The following ZC3H7B variants were observed in gnomAD, a reference collection of about 807,000 sequenced individuals.
ZC3H7B encodes the protein zinc finger CCCH-type containing 7B.
ZC3H7B carries 35 observed loss-of-function variants against 116.0 expected under a neutral mutation model. The ratio of observed to expected loss-of-function variants is 0.30; its 90% CI spans 0.23 to 0.40. ZC3H7B has a LOEUF of 0.40. ZC3H7B is among the 10% of genes least tolerant of loss of function. ZC3H7B has a pLI of 1.00. For missense variants in ZC3H7B, 1,011 were observed against 1,321.5 expected (o/e 0.77, Z 3.64); for synonymous variants, 502 against 545.6 (o/e 0.92, Z 1.11).
rs749033531 is a variant in ZC3H7B at position 41,346,178 on chromosome 22, G to A, written c.1635G>A (p.Glu545=). ...GSLTIAKLLK[E]HQGIFTFLCE... The stretch of plus-strand genomic sequence containing the variant: ...TCACCATCGCCAAGCTCCTGAAGGA[G>A]CACCAGGGCATCTTCACCTTCCTCT... Residue 545 remains glutamate, a synonymous_variant, in exon 14 of 23, where the codon GAG becomes GAA. Coordinates refer to ENST00000352645, the MANE Select transcript of ZC3H7B (RefSeq NM_017590.6). This position sits in a 1 kb window ranked among gnomAD's most constrained non-coding sequence, Gnocchi z 5.3. 2.0e-5 allele frequency: 32 copies of A among 1,611,708 alleles called. No homozygotes were observed. In the South Asian group the frequency reaches 3.5e-4, roughly 18 times the overall value.
chr22:41,327,191 G>A lies in ZC3H7B; in HGVS notation c.286-15G>A, dbSNP rs1189799882. 1 of 1,613,156 alleles carries A rather than the reference G, an allele frequency of 6.2e-7. No homozygotes were observed. The highest frequency in any genetic ancestry group is 8.5e-7 in the Non-Finnish European group (1 of 1,179,710). ...AACAGGTGTTGACCAGTGACCACAT[G>A]CTCCTCTCTGGCAGGGCCTGTATGA... is the stretch of plus-strand genomic sequence containing the variant. On this transcript the variant is annotated splice_polypyrimidine_tract_variant and intron_variant, in intron 4 of 22. Coordinates refer to ENST00000352645, the MANE Select transcript of ZC3H7B (RefSeq NM_017590.6). This position sits in a 1 kb window ranked among gnomAD's most constrained non-coding sequence, Gnocchi z 4.5.
At chr22:41,322,362 AT>A (rs1444475661) in intron 2 of ZC3H7B, among the ~76,000 whole-genome samples, 1 of 150,018 alleles carries the variant, frequency 6.7e-6, no homozygotes, top group Non-Finnish European at 1.5e-5. Flanking sequence ...TAATTTTCGT[AT>A]TTTTAGTAGA....
rs948728315 is a variant in ZC3H7B, at chr22:41,349,918, C to T, written c.1948+617C>T. Among the ~76,000 whole-genome samples, 2 of 152,182 alleles carry T rather than the reference C, an allele frequency of 1.3e-5. No individual in the cohort carries two copies. The highest frequency in any genetic ancestry group is 4.1e-4 in the South Asian group (2 of 4,828). On this transcript the variant is annotated intron_variant, in intron 16 of 22. Coordinates refer to ENST00000352645, the MANE Select transcript of ZC3H7B (RefSeq NM_017590.6). The surrounding 1 kb of genome is among the most constrained non-coding windows in gnomAD (Gnocchi z 4.9). ...ATGCACATTTACCCCTACTGCCTGT[C>T]ATCATTTAATTAGCAGCATTTTGTG...
At chr22:41,315,840 C>CTA (rs896794950) in intron 1 of ZC3H7B, among the ~76,000 whole-genome samples, 6 of 152,112 alleles carry the variant, frequency 3.9e-5, no homozygotes, top group African/African-American at 1.4e-4. Context: ...TGTATAGGCC[C>CTA]TATCTTCAGA....
At chr22:41,310,191 C>T (rs1012197140) in intron 1 of ZC3H7B, among the ~76,000 whole-genome samples, 3 of 152,094 alleles carry the variant, frequency 2.0e-5, no homozygotes, top group Non-Finnish European at 4.4e-5. Flanking sequence ...GGCGACAGAG[C>T]GAGACTCCGT....
At chr22:41,308,194 A>G (rs1342879491) in intron 1 of ZC3H7B, among the ~76,000 whole-genome samples, 1 of 151,998 alleles carries the variant, frequency 6.6e-6, no homozygotes, top group Non-Finnish European at 1.5e-5. Context: ...TCAGCTGATG[A>G]TCATTCCTTG....
chr22:41,345,835 T>C (rs929667136), intron 13 of ZC3H7B, among the ~76,000 whole-genome samples, 168 bp from the exon 14 acceptor site: 3 of 152,058 alleles, frequency 2.0e-5, no homozygotes, highest in African/African-American at 4.8e-5. Flanking sequence ...CTCTGCCAAG[T>C]CCTGGCAGGG....
In ZC3H7B at chr22:41,355,304, T is replaced by C. The variant is rs368730692; in HGVS notation, c.2035-165T>C. Among the ~76,000 whole-genome samples the C allele has an allele frequency of 2.0e-3, 305 of 152,268 alleles. 1 individual carries two copies. The highest frequency in any genetic ancestry group is 7.0e-3 in the African/African-American group (289 of 41,558). On this transcript the variant is annotated intron_variant, in intron 17 of 22. Transcript: ENST00000352645. The stretch of plus-strand genomic sequence containing the variant: ...AGCCCCGTTCCAGGCCTGGCTCTCC[T>C]GGGAAGCCCTTGGGCCTGCAGTTGG...
At chr22:41,323,166 TC>T (rs539343420) in intron 2 of ZC3H7B, among the ~76,000 whole-genome samples, 2 of 152,322 alleles carry the variant, frequency 1.3e-5, no homozygotes, top group South Asian at 4.1e-4. Flanking sequence ...CAGCACCCCT[TC>T]CCTGGGCTGT....
Position 41,302,356 on chromosome 22 carries a change from G to A in ZC3H7B, c.-7+584G>A, listed in dbSNP as rs574749445. 1.3e-5 allele frequency among the ~76,000 whole-genome samples: 2 copies of A among 151,912 alleles called. No homozygotes were observed. The highest frequency in any genetic ancestry group is 1.5e-5 in the Non-Finnish European group (1 of 67,918). ...GCCCGGGGATCCGGGGCCTGCAGCC[G>A]GGCCCGCGGGAAGGGGGCGGCAGGA... On this transcript the variant is annotated intron_variant, in intron 1 of 22. Coordinates refer to ENST00000352645, the MANE Select transcript of ZC3H7B (RefSeq NM_017590.6). This position sits in a 1 kb window ranked among gnomAD's most constrained non-coding sequence, Gnocchi z 5.7.
Position 41,327,246 on chromosome 22 carries a change from T to C in ZC3H7B, c.326T>C (p.Leu109Pro). 6.2e-7 allele frequency: 1 copy of C among 1,614,098 alleles called. No homozygotes were observed. Among genetic ancestry groups the C allele is most frequent in the Non-Finnish European group, 8.5e-7 (1 of 1,180,042 alleles). The change falls in exon 5 of 23, where the codon CTG (leucine) becomes CCG (proline). Residue 109 changes from leucine (L) to proline (P), a missense_variant. This residue lies in a region of ZC3H7B where 322 missense variants were observed against 443.9 expected (regional missense o/e 0.73). Transcript: ENST00000352645. This position sits in a 1 kb window ranked among gnomAD's most constrained non-coding sequence, Gnocchi z 4.5. ...GCGCTGGAGGACAGCGAGAAGGCGC[T>C]GGGCCTGGACAGTGAGAGTATCCGG... The part of the protein sequence containing the change: ...EKALEDSEKA[L>P]GLDSESIRAL...
intron 1 of ZC3H7B, among the ~76,000 whole-genome samples, chr22:41,310,517 ACT>A (rs2036103778): frequency 2.0e-5 from 3 of 152,118 alleles, no homozygotes; most frequent in South Asian, 4.2e-4. Flanking sequence ...AGCACTGGAA[ACT>A]CTCTTGATGC....
At chr22:41,352,744 A>G (rs1475920044) in intron 17 of ZC3H7B, among the ~76,000 whole-genome samples, 3 of 152,028 alleles carry the variant, frequency 2.0e-5, no homozygotes, top group African/African-American at 7.3e-5. Context: ...CTAGGGCGAC[A>G]GTGTGAGACT....
At chr22:41,311,893 C>A (rs2036122606) in intron 1 of ZC3H7B, among the ~76,000 whole-genome samples, 1 of 152,034 alleles carries the variant, frequency 6.6e-6, no homozygotes, top group South Asian at 2.1e-4. Context: ...CATGACAATA[C>A]ATATAGATTC....
chr22:41,314,302 G>A (rs372784152), intron 1 of ZC3H7B, among the ~76,000 whole-genome samples: 2 of 151,514 alleles, frequency 1.3e-5, no homozygotes, highest in East Asian at 3.9e-4. Flanking sequence ...GACTATAGGC[G>A]AGTGCCACCA....
rs1433280639 is a variant in ZC3H7B at position 41,359,083 on chromosome 22, C to T, written c.*1654C>T. 1 of 153,052 alleles carries T rather than the reference C, an allele frequency of 6.5e-6. No homozygotes were observed. The highest frequency in any genetic ancestry group is 2.4e-5 in the African/African-American group (1 of 41,596). 9.5% of individuals were successfully genotyped at this position (153,052 alleles called of 1,614,324 possible). A position where few individuals can be genotyped will look rare whatever the true frequency, so the allele number is the denominator to read the frequency against. ...GCCCTTTCCTCTTCCCTGCCCCACC[C>T]CCTGGCCGCAGCAGGCCAGCACTGC... On this transcript the variant is annotated 3_prime_UTR_variant, in exon 23 of 23. Coordinates refer to ENST00000352645, the MANE Select transcript of ZC3H7B (RefSeq NM_017590.6).
intron 7 of ZC3H7B, 181 bp downstream of exon 7, chr22:41,332,408 G>T (rs2036395108): frequency 1.4e-6 from 1 of 736,648 alleles, no homozygotes; most frequent in Non-Finnish European, 2.2e-6. Context: ...TTGGCAGGGA[G>T]TGGTCATTGC....
chr22:41,334,250 C>T (rs1012696902), intron 7 of ZC3H7B: 7 of 152,270 alleles, frequency 4.6e-5, no homozygotes, highest in Non-Finnish European at 8.8e-5. Flanking sequence ...GAATAGAGCA[C>T]CAAGGTAGCG....
At chr22:41,343,865 A>G (rs1048440380) in intron 13 of ZC3H7B, among the ~76,000 whole-genome samples, 2 of 152,118 alleles carry the variant, frequency 1.3e-5, no homozygotes, top group Non-Finnish European at 2.9e-5. Context: ...AGGAGCCTAC[A>G]TGACTCATAG....
Sources: gnomAD v4.1 joint callset for allele counts (sites outside exome capture counted in the v4.1 genomes callset) on GRCh38, gnomAD v4.1.1 for gene constraint, gnomAD v4.1.1 regional missense constraint, Gnocchi (gnomAD v3.1) non-coding constraint, MANE v1.5 for transcripts, NCBI Gene and HGNC (gene_info 2026-07-23, HGNC 2026-07-21) for gene names.